FHIT: variants seen among roughly 807,000 people sequenced by gnomAD.
The protein encoded by FHIT is fragile histidine triad diadenosine triphosphatase, also known as bis(5'-adenosyl)-triphosphatase.
In FHIT, 19 loss-of-function variants were observed where a neutral mutation model predicts 17.9. The ratio of observed to expected loss-of-function variants is 1.06; its 90% CI spans 0.74 to 1.56. The LOEUF (loss-of-function observed/expected upper bound fraction) is 1.56. Among genes scored for constraint, FHIT ranks in the 40% most tolerant of loss-of-function variants. FHIT has a pLI of 0.00. For missense variants in FHIT, 248 were observed against 189.2 expected (o/e 1.31, Z -1.82); for synonymous variants, 81 against 69.7 (o/e 1.16, Z -0.81).
chr3:61,087,603 CAAT>C (rs1191862444), intron 2 of FHIT, among the ~76,000 whole-genome samples: 4 of 152,256 alleles, frequency 2.6e-5, no homozygotes, highest in Admixed American at 6.5e-5. Flanking sequence ...TGATGACTGA[CAAT>C]GATGCTCATG....
intron 3 of FHIT, among the ~76,000 whole-genome samples, chr3:60,839,050 A>G (rs1702628530): frequency 6.6e-6 from 1 of 152,076 alleles, no homozygotes; most frequent in African/African-American, 2.4e-5. Flanking sequence ...CACCCATTGG[A>G]ACAAGCAAGA....
chr3:59,890,459 G>A (rs1352741813), intron 8 of FHIT, among the ~76,000 whole-genome samples: 2 of 152,162 alleles, frequency 1.3e-5, no homozygotes, highest in East Asian at 1.9e-4. Flanking sequence ...AGGAAAGGCT[G>A]GGTTTAGGGT....
At chr3:60,778,544 T>C (rs1190078348) in intron 4 of FHIT, among the ~76,000 whole-genome samples, 2 of 152,214 alleles carry the variant, frequency 1.3e-5, no homozygotes, top group Non-Finnish European at 2.9e-5. Flanking sequence ...AATCCATGTT[T>C]CATTTTTCAG....
At chr3:60,159,124 G>C (rs965692573) in intron 5 of FHIT, among the ~76,000 whole-genome samples, 1 of 151,870 alleles carries the variant, frequency 6.6e-6, no homozygotes, top group Non-Finnish European at 1.5e-5. Context: ...GTATATGTTT[G>C]AGGGGAGGGG....
At chr3:60,018,538 G>A (rs1158765130) in intron 5 of FHIT, among the ~76,000 whole-genome samples, 1 of 152,146 alleles carries the variant, frequency 6.6e-6, no homozygotes, top group Non-Finnish European at 1.5e-5. Context: ...CATGAAGAAA[G>A]AACTAAGGCA....
chr3:60,139,292 CTAAT>C (rs1699937273), intron 5 of FHIT, among the ~76,000 whole-genome samples: 1 of 152,060 alleles, frequency 6.6e-6, no homozygotes, highest in Non-Finnish European at 1.5e-5. Context: ...TAGCTGATTC[CTAAT>C]TAAAGGGAGT....
intron 7 of FHIT, among the ~76,000 whole-genome samples, chr3:59,958,142 C>G (rs1707493730): frequency 6.6e-6 from 1 of 152,204 alleles, no homozygotes; most frequent in African/African-American, 2.4e-5. Flanking sequence ...CCTTCTCTAG[C>G]TGGAACATGT....
intron 2 of FHIT, among the ~76,000 whole-genome samples, chr3:61,121,204 G>A (rs953646032): frequency 2.4e-4 from 37 of 152,236 alleles, no homozygotes; most frequent in African/African-American, 8.4e-4. Context: ...CCTCAACCTA[G>A]CAAGGCAGGT....
chr3:61,090,414 A>G (rs568666400), intron 2 of FHIT, among the ~76,000 whole-genome samples: 1 of 152,328 alleles, frequency 6.6e-6, no homozygotes, highest in East Asian at 1.9e-4. Context: ...GATTTTCCCC[A>G]AGGCTTCTGC....
rs150917089 is a variant in FHIT, at chr3:60,427,485, G to A, written c.103+109375C>T. On this transcript the variant is annotated intron_variant, in intron 5 of 9. Coordinates refer to ENST00000492590, the MANE Select transcript of FHIT (RefSeq NM_002012.4). Reference sequence around the variant, plus strand: ...CTAAATATTCCAGCCCATGAAAATGGTGAGACAATAAATTTCTGTGGCTTT... The same window carrying A: ...CTAAATATTCCAGCCCATGAAAATGATGAGACAATAAATTTCTGTGGCTTT... Among the ~76,000 whole-genome samples, 46 of 152,210 alleles carry A rather than the reference G, an allele frequency of 3.0e-4. No individual in the cohort carries two copies. In the Middle Eastern group the frequency reaches 0.01, roughly 34 times the overall value.
At chr3:59,921,580 A>C (rs1212856492) in intron 8 of FHIT, among the ~76,000 whole-genome samples, 4 of 152,226 alleles carry the variant, frequency 2.6e-5, no homozygotes, top group African/African-American at 9.6e-5. Context: ...CCAGGGCACT[A>C]GTGCTATCTA....
At chr3:61,051,511 A>G (rs541122980) in intron 2 of FHIT, among the ~76,000 whole-genome samples, 2 of 152,162 alleles carry the variant, frequency 1.3e-5, no homozygotes, top group African/African-American at 4.8e-5. Context: ...AGCCTCCCAA[A>G]GTTCTGGGAT....
At chr3:60,575,674 C>T (rs2037539678) in intron 4 of FHIT, among the ~76,000 whole-genome samples, 2 of 152,156 alleles carry the variant, frequency 1.3e-5, no homozygotes, top group South Asian at 4.1e-4. Context: ...AACTTACAAA[C>T]ATAAGTTCCA....
chr3:60,101,475 C>T (rs1451386296), intron 5 of FHIT, among the ~76,000 whole-genome samples: 2 of 152,206 alleles, frequency 1.3e-5, no homozygotes, highest in Non-Finnish European at 2.9e-5. Context: ...GTCCTCTCTA[C>T]CTATGCTTTC....
intron 5 of FHIT, among the ~76,000 whole-genome samples, chr3:60,451,454 A>G (rs1022684131): frequency 6.6e-6 from 1 of 152,166 alleles, no homozygotes; most frequent in Non-Finnish European, 1.5e-5. Flanking sequence ...TGTCTTTGAC[A>G]TATTTAACTG....
rs140053182 is a variant in FHIT at position 60,011,431 on chromosome 3, G to T, written c.250-31C>A. 26 of 1,589,188 alleles carry T rather than the reference G, an allele frequency of 1.6e-5. 1 individual carries two copies. The African/African-American group carries it at 2.5e-4, about 16-fold the overall frequency. ...AGTAGGAAAAAACCAACAGAGGTGA[G>T]AATAGATAGATGGTATCTCCTGCTT... On this transcript the variant is annotated intron_variant, in intron 6 of 9. Coordinates refer to ENST00000492590, the MANE Select transcript of FHIT (RefSeq NM_002012.4).
chr3:60,016,253 TA>T (rs759073090), intron 5 of FHIT, among the ~76,000 whole-genome samples: 3 of 152,240 alleles, frequency 2.0e-5, no homozygotes, highest in Non-Finnish European at 4.4e-5. Flanking sequence ...TGGAACTGGT[TA>T]CCACTTCTCC....
intron 5 of FHIT, among the ~76,000 whole-genome samples, chr3:60,481,230 A>C (rs114968779): frequency 0.01 from 1,569 of 152,328 alleles, 29 homozygotes; most frequent in African/African-American, 0.033. Flanking sequence ...GGAAGAACGG[A>C]AACAAGCTGG....
chr3:61,205,749 T>G (rs1235351524), intron 1 of FHIT, among the ~76,000 whole-genome samples: 1 of 152,132 alleles, frequency 6.6e-6, no homozygotes, highest in East Asian at 1.9e-4. Context: ...TTGCAAAAAT[T>G]TTCTCCCATT....
Sources: gnomAD v4.1 joint callset for allele counts (sites outside exome capture counted in the v4.1 genomes callset) on GRCh38, gnomAD v4.1.1 for gene constraint, MANE v1.5 for transcripts, NCBI Gene and HGNC (gene_info 2026-07-23, HGNC 2026-07-21) for gene names.